Variants in TLE2 observed in about 807,000 individuals in gnomAD.
TLE2 encodes transducin-like enhancer protein 2.
Under a neutral mutation model 97.2 loss-of-function variants are expected in TLE2, and 74 were observed. That is an observed-to-expected ratio of 0.76 (90% CI 0.63 to 0.92). The LOEUF (loss-of-function observed/expected upper bound fraction) is 0.92, where lower values mean the gene tolerates loss of function less well. Ranked by LOEUF, TLE2 falls within the 40% of genes least tolerant of loss-of-function variation. The pLI is 0.00. For synonymous variants in TLE2, 499 were observed against 432.1 expected (o/e 1.15, Z -1.92); for missense variants, 1,038 against 1,008.7 (o/e 1.03, Z -0.39).
At chr19:3,046,274 C>G (rs934134763), upstream of TLE2, among the ~76,000 whole-genome samples, 2 of 152,224 alleles carry the variant, frequency 1.3e-5, no homozygotes, top group Non-Finnish European at 2.9e-5. Context: ...TTTATTTTCT[C>G]CCCCAAGACT....
chr19:3,047,471 T>C (rs2090153343), upstream of TLE2: 1 of 146,268 alleles, frequency 6.8e-6, no homozygotes, highest in African/African-American at 2.5e-5. Context: ...GGACCCCTTC[T>C]TCCGAGAAGA....
At chr19:3,016,111 T>C (rs1024092707) in intron 8 of TLE2, among the ~76,000 whole-genome samples, 10 of 151,766 alleles carry the variant, frequency 6.6e-5, no homozygotes, top group African/African-American at 2.4e-4. Context: ...AATTTTTGTA[T>C]TTTTAATAGA....
At chr19:3,045,279 C>T (rs984891490) in intron 1 of TLE2, among the ~76,000 whole-genome samples, 1 of 152,124 alleles carries the variant, frequency 6.6e-6, no homozygotes, top group Non-Finnish European at 1.5e-5. Flanking sequence ...GTAGGAACAG[C>T]GTGTTCCAGG....
intron 1 of TLE2, among the ~76,000 whole-genome samples, chr19:3,043,327 T>C (rs921037791): frequency 6.7e-6 from 1 of 149,658 alleles, no homozygotes; most frequent in African/African-American, 2.4e-5. Context: ...GTGCTGGGAT[T>C]ATAGGCGTGA....
In TLE2 at chr19:3,015,061, A is replaced by C. The variant is rs1454577947; in HGVS notation, c.679-447T>G. Among the ~76,000 whole-genome samples, 13 of 50,866 alleles carry C rather than the reference A, an allele frequency of 2.6e-4. No homozygotes were observed. The East Asian group carries it at 0.015, about 57-fold the overall frequency. The allele number at this position is 50,866 out of a possible 152,430, so 33.4% of individuals were successfully genotyped here. A position where few individuals can be genotyped will look rare whatever the true frequency, so the allele number is the denominator to read the frequency against. ...ATAAATAAATAAAATTCATTGCCAA[A>C]AAAAAAAAAAAAAAGCTATTAGGTA... On this transcript the variant is annotated intron_variant, in intron 9 of 19. Transcript: ENST00000262953.
intron 8 of TLE2, among the ~76,000 whole-genome samples, chr19:3,016,133 G>A (rs1375926067): frequency 4.0e-5 from 6 of 151,366 alleles, no homozygotes; most frequent in Admixed American, 6.6e-5. Flanking sequence ...ACAGGGTTTC[G>A]CCATGTTGGC....
chr19:2,998,521 G>A (rs897344653), intron 19 of TLE2, among the ~76,000 whole-genome samples: 1 of 152,000 alleles, frequency 6.6e-6, no homozygotes, highest in African/African-American at 2.4e-5. Context: ...CAGGTGATCC[G>A]CCTGCCTTGG....
At chr19:3,009,054 G>T in intron 13 of TLE2, 109 bp from the exon 14 acceptor site, 1 of 832,128 alleles carries the variant, frequency 1.2e-6, no homozygotes, top group Non-Finnish European at 1.8e-6. Flanking sequence ...CCTCCCCAAG[G>T]CAGCAGAGAT....
intron 1 of TLE2, among the ~76,000 whole-genome samples, chr19:3,041,911 G>A (rs1599257861): frequency 8.8e-6 from 1 of 113,666 alleles, no homozygotes; most frequent in African/African-American, 4.0e-5. Context: ...GGAGCTCTGT[G>A]GCTGCCTTTG....
At chr19:3,029,572 TGCGGGGA>T, upstream of TLE2, 1 of 483,596 alleles carries the variant, frequency 2.1e-6, no homozygotes, top group Non-Finnish European at 2.6e-6. Flanking sequence ...GGGGGGGGCT[TGCGGGGA>T]GCGGGGACCA....
intron 7 of TLE2, among the ~76,000 whole-genome samples, 186 bp from the exon 8 acceptor site, chr19:3,018,045 T>C (rs367814370): frequency 2.0e-5 from 3 of 150,036 alleles, no homozygotes; most frequent in Non-Finnish European, 4.4e-5. Context: ...TTCAGATCAA[T>C]GCCCAGAGAG....
Position 3,017,839 on chromosome 19 carries a change from C to T in TLE2, c.570+1G>A. On this transcript the variant is annotated splice_donor_variant, in intron 8 of 19. Coordinates refer to ENST00000262953, the MANE Select transcript of TLE2 (RefSeq NM_003260.5). LOFTEE classifies it high-confidence loss of function. ...AGAGTCCCAGGGTGCCACTCACTTACCCTGCTCGGGGCTCTCTCCACTGAC... is the reference window on the plus strand; with the variant it reads ...AGAGTCCCAGGGTGCCACTCACTTATCCTGCTCGGGGCTCTCTCCACTGAC... The T allele has an allele frequency of 1.2e-6, 2 of 1,612,182 alleles. No individual in the cohort carries two copies. The highest frequency in any genetic ancestry group is 1.7e-6 in the Non-Finnish European group (2 of 1,179,138).
chr19:3,040,432 C>G (rs1026343504), intron 1 of TLE2, among the ~76,000 whole-genome samples: 1 of 151,664 alleles, frequency 6.6e-6, no homozygotes, highest in Non-Finnish European at 1.5e-5. Flanking sequence ...CCTCCACCTC[C>G]CGGGTTCAAG....
At chr19:3,027,070 G>A (rs139691786) in intron 4 of TLE2, among the ~76,000 whole-genome samples, 300 of 147,354 alleles carry the variant, frequency 2.0e-3, no homozygotes, top group Non-Finnish European at 3.3e-3. Flanking sequence ...TCTCAGAACC[G>A]TGAGGTCTAT....
chr19:3,009,460 T>A (rs2089543765), intron 13 of TLE2, 82 bp downstream of exon 13: 17 of 1,457,108 alleles, frequency 1.2e-5, no homozygotes, highest in Non-Finnish European at 1.5e-5. Context: ...CCCTTGTCTC[T>A]CCTTGTGTAG....
intron 5 of TLE2, 105 bp downstream of exon 5, chr19:3,024,915 G>T (rs1163152742): frequency 8.2e-6 from 8 of 977,564 alleles, no homozygotes; most frequent in Non-Finnish European, 1.2e-5. Flanking sequence ...CGTGCTGCAG[G>T]CTACGCGGCA....
rs1319183794 is a variant in TLE2 at position 3,028,752 on chromosome 19, C to G, written c.76G>C (p.Asp26His). 9 of 1,612,724 alleles carry G rather than the reference C, an allele frequency of 5.6e-6. No individual in the cohort carries two copies. The highest frequency in any genetic ancestry group is 7.6e-6 in the Non-Finnish European group (9 of 1,179,820). ...PFKFSILEICDRIKEEFQFLQ... is the reference protein window; with the variant it reads ...PFKFSILEICHRIKEEFQFLQ... Reference sequence around the variant, plus strand: ...AACTGGAATTCTTCTTTGATGCGGTCGCAGATCTCCAAGATCGAGAACTTG... The same window carrying G: ...AACTGGAATTCTTCTTTGATGCGGTGGCAGATCTCCAAGATCGAGAACTTG... Residue 26 changes from aspartate (D) to histidine (H), a missense_variant, in exon 2 of 20, where the codon GAC becomes CAC. Coordinates refer to ENST00000262953, the MANE Select transcript of TLE2 (RefSeq NM_003260.5).
intron 19 of TLE2, among the ~76,000 whole-genome samples, chr19:2,998,908 A>G (rs1243736519): frequency 4.6e-5 from 7 of 152,358 alleles, no homozygotes; most frequent in Admixed American, 1.3e-4. Flanking sequence ...GGGATCAGCA[A>G]ACTTCACAAA....
upstream of TLE2, among the ~76,000 whole-genome samples, chr19:3,046,256 G>A (rs1039823746): frequency 6.6e-6 from 1 of 152,216 alleles, no homozygotes; most frequent in Non-Finnish European, 1.5e-5. Flanking sequence ...AGCACTGCAG[G>A]TGCAGCTTTT....
Sources: gnomAD v4.1 joint callset for allele counts (sites outside exome capture counted in the v4.1 genomes callset) on GRCh38, gnomAD v4.1.1 for gene constraint, MANE v1.5 for transcripts, NCBI Gene and HGNC (gene_info 2026-07-23, HGNC 2026-07-21) for gene names.